Variants in ZBTB24 observed in about 807,000 individuals in gnomAD.
ZBTB24 encodes the protein zinc finger and BTB domain-containing protein 24.
In ZBTB24, 32 loss-of-function variants were observed where a neutral mutation model predicts 53.8. The observed-to-expected ratio is 0.60, with a 90% CI of 0.45 to 0.80. The LOEUF is 0.80. ZBTB24 is among the 30% of genes least tolerant of loss of function. ZBTB24 has a pLI of 0.00. For missense variants in ZBTB24, 722 were observed against 837.1 expected, an observed-to-expected ratio of 0.86 and a Z score of 1.70; for synonymous variants, 297 against 306.7, an observed-to-expected ratio of 0.97 and a Z score of 0.33.
rs756875652 is a variant in ZBTB24 at position 109,466,477 on chromosome 6, A to G, written c.1468T>C (p.Phe490Leu). The G allele has an allele frequency of 5.0e-6, 8 of 1,614,122 alleles. No homozygotes were observed. Among genetic ancestry groups the G allele is most frequent in the Non-Finnish European group, 6.8e-6 (8 of 1,180,040 alleles). The change falls in exon 7 of 7, where the codon TTC (phenylalanine) becomes CTC (leucine). Residue 490 changes from phenylalanine to leucine, a missense_variant. Physicochemically the swap from Phe to Leu is conservative, Grantham distance 22. Transcript: ENST00000230122. ...TGTAAGTTACACTCAGGGCAGGAGA[A>G]AGGCTTCTTGCCAGTGTGTAGAATG... ...HCILHTGKKP[F>L]SCPECNLQFA...
In ZBTB24 at chr6:109,480,445, T is replaced by C. The variant is rs545913566; in HGVS notation, c.952+630A>G. The stretch of plus-strand genomic sequence containing the variant: ...TCAGTCACGCTAGCCACAGTTCAAG[T>C]GCTCAAAAACCACATGTGGTTACTG... On this transcript the variant is annotated intron_variant, in intron 2 of 6. Transcript: ENST00000230122. Among the ~76,000 whole-genome samples the C allele has an allele frequency of 1.3e-5, 2 of 152,326 alleles. 1 individual carries two copies. Among genetic ancestry groups the C allele is most frequent in the Admixed American group, 1.3e-4 (2 of 15,304 alleles).
Position 109,475,383 on chromosome 6 carries a change from C to T in ZBTB24, c.1288+16G>A, listed in dbSNP as rs780212818. ...ACATCCCGTGTACTGGGGGGACAGA[C>T]GAGATGGAGTTTTACCTGTGTGTGT... is the stretch of plus-strand genomic sequence containing the variant. On this transcript the variant is annotated intron_variant, in intron 5 of 6. Transcript: ENST00000230122. 15 of 1,613,904 alleles carry T rather than the reference C, an allele frequency of 9.3e-6. No individual in the cohort carries two copies. Among genetic ancestry groups the T allele is most frequent in the East Asian group, 6.7e-5 (3 of 44,888 alleles).
At position 109,480,975 on chromosome 6, in the gene ZBTB24, T is replaced by C; in HGVS notation, c.952+100A>G. On this transcript the variant is annotated intron_variant, in intron 2 of 6. Coordinates refer to ENST00000230122, the MANE Select transcript of ZBTB24 (RefSeq NM_014797.3). ...AACATGTATAAAGGCTTTATTACAA[T>C]GCCCATCACACAGAAGTTGCACAGT... is the stretch of plus-strand genomic sequence containing the variant. The C allele has an allele frequency of 1.9e-6, 3 of 1,550,324 alleles. No homozygotes were observed. In the South Asian group the frequency reaches 3.8e-5, roughly 20 times the overall value.
chr6:109,476,142 C>T (rs1312671866), intron 4 of ZBTB24, 33 bp downstream of exon 4: 2 of 1,603,932 alleles, frequency 1.2e-6, no homozygotes, highest in Admixed American at 1.7e-5. Flanking sequence ...GCATTTCTTC[C>T]CCCCCAATCT....
intron 5 of ZBTB24, among the ~76,000 whole-genome samples, chr6:109,473,647 C>A (rs938364431): frequency 6.6e-6 from 1 of 152,218 alleles, no homozygotes; most frequent in African/African-American, 2.4e-5. Context: ...CCCCTTAAGG[C>A]AGGGGCCTGT....
Position 109,465,670 on chromosome 6 carries a change from C to T in ZBTB24, c.*181G>A, listed in dbSNP as rs1776016723. On this transcript the variant is annotated 3_prime_UTR_variant, in exon 7 of 7. Transcript: ENST00000230122. ...GCTCAATACAAATCAGTACCTTAGA[C>T]AAGACATACACACATCTTGCTACCT... The T allele has an allele frequency of 1.9e-6, 3 of 1,583,154 alleles. No homozygotes were observed. Among genetic ancestry groups the T allele is most frequent in the East Asian group, 2.3e-5 (1 of 44,276 alleles).
In ZBTB24 at chr6:109,464,591, A is replaced by G. The variant is rs1341733767; in HGVS notation, c.*1260T>C. 1 of 152,234 alleles carries G rather than the reference A, an allele frequency of 6.6e-6. No individual in the cohort carries two copies. The highest frequency in any genetic ancestry group is 1.5e-5 in the Non-Finnish European group (1 of 68,044). 9.4% of individuals were successfully genotyped at this position (152,234 alleles called of 1,614,324 possible). On this transcript the variant is annotated 3_prime_UTR_variant, in exon 7 of 7. Coordinates refer to ENST00000230122, the MANE Select transcript of ZBTB24 (RefSeq NM_014797.3). ...ATCTTTTGATGATGATTTAAAAATC[A>G]TACAATTACAGACACATGCTGGCTA... is the stretch of plus-strand genomic sequence containing the variant.
At chr6:109,468,571 CCTT>C (rs1776103039) in intron 5 of ZBTB24, among the ~76,000 whole-genome samples, 1 of 152,072 alleles carries the variant, frequency 6.6e-6, no homozygotes, top group Admixed American at 6.5e-5. Context: ...GCCACGCACT[CCTT>C]AGTCCAATTC....
Position 109,481,299 on chromosome 6 carries a change from G to A in ZBTB24, c.728C>T (p.Thr243Ile). 1 of 1,614,128 alleles carries A rather than the reference G, an allele frequency of 6.2e-7. No homozygotes were observed. Reference protein sequence around the residue: ...VEKDENYDPKTEDGQASQSRY... With the variant: ...VEKDENYDPKIEDGQASQSRY... ...ACTCTGGCTTGCCTGGCCATCCTCGGTCTTGGGATCATAGTTCTCATCTTT... is the reference window on the plus strand; with the variant it reads ...ACTCTGGCTTGCCTGGCCATCCTCGATCTTGGGATCATAGTTCTCATCTTT... The change falls in exon 2 of 7, where the codon ACC (threonine) becomes ATC (isoleucine). Residue 243 changes from threonine to isoleucine, a missense_variant. Thr to Ile is a moderately conservative substitution (Grantham distance 89). Coordinates refer to ENST00000230122, the MANE Select transcript of ZBTB24 (RefSeq NM_014797.3).
In ZBTB24 at chr6:109,481,723, T is replaced by C; in HGVS notation, c.304A>G (p.Ser102Gly). Residue 102 changes from serine to glycine, a missense_variant, in exon 2 of 7, where the codon AGT becomes GGT. Ser to Gly is a moderately conservative substitution (Grantham distance 56, BLOSUM62 0). Coordinates refer to ENST00000230122, the MANE Select transcript of ZBTB24 (RefSeq NM_014797.3). ...EFIYTGYLHA[S>G]EKSTEQILAT... Reference sequence around the variant, plus strand: ...AGGATTTGTTCTGTACTTTTCTCACTGGCATGGAGATAACCTGTGTAGATA... The same window carrying C: ...AGGATTTGTTCTGTACTTTTCTCACCGGCATGGAGATAACCTGTGTAGATA... 1 of 1,614,218 alleles carries C rather than the reference T, an allele frequency of 6.2e-7. No individual in the cohort carries two copies. The highest frequency in any genetic ancestry group is 8.5e-7 in the Non-Finnish European group (1 of 1,180,040).
chr6:109,473,996 G>A (rs1377804341), intron 5 of ZBTB24, among the ~76,000 whole-genome samples: 1 of 150,828 alleles, frequency 6.6e-6, no homozygotes, highest in Non-Finnish European at 1.5e-5. Flanking sequence ...GGATGAAGCA[G>A]GAGAATTGCT....
rs1776010067 is a variant in ZBTB24, at chr6:109,465,436, C to A, written c.*415G>T. On this transcript the variant is annotated 3_prime_UTR_variant, in exon 7 of 7. Transcript: ENST00000230122. ...GCCTAAGAAAAATAAGAAAATAGAACAAACCATTCTGCCCAGTTCAACCAA... is the reference window on the plus strand; with the variant it reads ...GCCTAAGAAAAATAAGAAAATAGAAAAAACCATTCTGCCCAGTTCAACCAA... 2 of 563,558 alleles carry A rather than the reference C, an allele frequency of 3.5e-6. No individual in the cohort carries two copies. Among genetic ancestry groups the A allele is most frequent in the South Asian group, 4.9e-5 (2 of 41,228 alleles). 34.9% of individuals were successfully genotyped at this position (563,558 alleles called of 1,614,324 possible). A position where few individuals can be genotyped will look rare whatever the true frequency, so the allele number is the denominator to read the frequency against.
intron 3 of ZBTB24, 105 bp downstream of exon 3, chr6:109,476,658 G>A (rs896249904): frequency 2.7e-6 from 4 of 1,459,842 alleles, no homozygotes; most frequent in Non-Finnish European, 2.8e-6. Context: ...ATGACACCAC[G>A]TTGGAAATGA....
At chr6:109,467,614 T>C (rs765786569) in intron 6 of ZBTB24, 39 bp downstream of exon 6, 2 of 1,614,138 alleles carry the variant, frequency 1.2e-6, no homozygotes, top group East Asian at 4.5e-5. Flanking sequence ...CAGAACTGAA[T>C]GAGGCCTCCA....
intron 5 of ZBTB24, among the ~76,000 whole-genome samples, chr6:109,468,750 C>T (rs1776106127): frequency 1.3e-5 from 2 of 152,086 alleles, no homozygotes; most frequent in Admixed American, 1.3e-4. Context: ...GCTGAATGAA[C>T]TTCATGGGAG....
chr6:109,482,196 G>A, intron 1 of ZBTB24, 142 bp from the exon 2 acceptor site: 1 of 733,692 alleles, frequency 1.4e-6, no homozygotes, highest in Non-Finnish European at 2.3e-6. Context: ...CTTAGCTCTG[G>A]GCCCGGGCGC....
intron 5 of ZBTB24, among the ~76,000 whole-genome samples, chr6:109,470,289 A>C (rs1776138701): frequency 6.6e-6 from 1 of 151,742 alleles, no homozygotes; most frequent in South Asian, 2.1e-4. Flanking sequence ...GTACTTCCAG[A>C]CCCTCTTCTC....
Position 109,466,579 on chromosome 6 carries a change from A to G in ZBTB24, c.1371-5T>C, listed in dbSNP as rs376306009. 8.7e-6 allele frequency: 14 copies of G among 1,608,090 alleles called. No individual in the cohort carries two copies. Among genetic ancestry groups the G allele is most frequent in the Non-Finnish European group, 1.1e-5 (13 of 1,179,994 alleles). Reference sequence around the variant, plus strand: ...CAGGAGTATGGCTTTTCTCCTCTGTAAGAAAATAAACATTTTATTTTTAAA... The same window carrying G: ...CAGGAGTATGGCTTTTCTCCTCTGTGAGAAAATAAACATTTTATTTTTAAA... On this transcript the variant is annotated splice_region_variant and splice_polypyrimidine_tract_variant and intron_variant, in intron 6 of 6. Transcript: ENST00000230122.
At chr6:109,472,007 T>C (rs1776177336) in intron 5 of ZBTB24, among the ~76,000 whole-genome samples, 1 of 152,156 alleles carries the variant, frequency 6.6e-6, no homozygotes, top group Non-Finnish European at 1.5e-5. Context: ...TAATTTGCCT[T>C]TGACTTCTCC....
Sources: allele counts gnomAD v4.1 joint callset (sites outside exome capture counted in the v4.1 genomes callset), GRCh38; gene constraint gnomAD v4.1.1; transcripts MANE v1.5; gene names NCBI Gene and HGNC (gene_info 2026-07-23, HGNC 2026-07-21).